Variants in LUC7L3 observed in about 807,000 individuals in gnomAD.
LUC7L3 encodes the protein LUC7 like 3 pre-mRNA splicing factor, also known as luc7-like protein 3.
In LUC7L3, 6 loss-of-function variants were observed where a neutral mutation model predicts 66.8. The observed-to-expected ratio is 0.09, with a 90% CI of 0.05 to 0.18. The LOEUF (loss-of-function observed/expected upper bound fraction) is 0.18, where lower values mean the gene tolerates loss of function less well. LUC7L3 is among the 10% of genes least tolerant of loss of function. The pLI is 1.00. For synonymous variants in LUC7L3, 160 were observed against 174.7 expected, an observed-to-expected ratio of 0.92 and a Z score of 0.66; for missense variants, 341 against 531.1, an observed-to-expected ratio of 0.64 and a Z score of 3.52.
At chr17:50,727,783 T>C (rs1269003012) in intron 1 of LUC7L3, among the ~76,000 whole-genome samples, 1 of 152,016 alleles carries the variant, frequency 6.6e-6, no homozygotes, top group African/African-American at 2.4e-5. Context: ...TGGGGTAGTG[T>C]AGATAGGTAG....
intron 2 of LUC7L3, among the ~76,000 whole-genome samples, chr17:50,739,029 G>C (rs1172046340): frequency 1.3e-5 from 2 of 152,050 alleles, no homozygotes; most frequent in African/African-American, 4.8e-5. Flanking sequence ...TCTGCCGGAG[G>C]GGGAAAAAGA....
In LUC7L3 at chr17:50,751,259, T is replaced by G; in HGVS notation, c.*598T>G. 7.4e-7 allele frequency: 1 copy of G among 1,356,902 alleles called. No homozygotes were observed. The highest frequency in any genetic ancestry group is 9.7e-7 in the Non-Finnish European group (1 of 1,033,414). 84.1% of individuals were successfully genotyped at this position (1,356,902 alleles called of 1,614,324 possible). A position where few individuals can be genotyped will look rare whatever the true frequency, so the allele number is the denominator to read the frequency against. ...CATTGGATTGATGGAAGTGTAGGGT[T>G]TATGAATTATTGCAGCTGACTACCA... On this transcript the variant is annotated 3_prime_UTR_variant, in exon 10 of 10. Coordinates refer to ENST00000505658, the MANE Select transcript of LUC7L3 (RefSeq NM_016424.5).
At chr17:50,721,851 T>G (rs1255317244) in intron 1 of LUC7L3, among the ~76,000 whole-genome samples, 4 of 152,178 alleles carry the variant, frequency 2.6e-5, no homozygotes, top group Non-Finnish European at 5.9e-5. Flanking sequence ...CTGGAAATTT[T>G]TCTTGGCCAT....
intron 2 of LUC7L3, among the ~76,000 whole-genome samples, chr17:50,737,830 C>G (rs934229387): frequency 6.6e-6 from 1 of 152,128 alleles, no homozygotes; most frequent in East Asian, 1.9e-4. Flanking sequence ...ACTAGAGAGA[C>G]TAGTTTATCT....
chr17:50,739,959 C>T (rs1317618696), intron 2 of LUC7L3, among the ~76,000 whole-genome samples: 2 of 152,136 alleles, frequency 1.3e-5, no homozygotes, highest in African/African-American at 4.8e-5. Flanking sequence ...ATAATAAAGT[C>T]GGCAATGGTT....
At position 50,744,643 on chromosome 17, in the gene LUC7L3, T is replaced by C; in HGVS notation, c.532-9T>C. The C allele has an allele frequency of 6.2e-7, 1 of 1,603,518 alleles. No homozygotes were observed. Among genetic ancestry groups the C allele is most frequent in the Non-Finnish European group, 8.5e-7 (1 of 1,176,866 alleles). On this transcript the variant is annotated splice_polypyrimidine_tract_variant and intron_variant, in intron 6 of 9. Transcript: ENST00000505658. ...AGATGTTCTTAAAATAACTGATTTA[T>C]CATTTTAGACAATTGAAAGCTTTGC... is the stretch of plus-strand genomic sequence containing the variant.
At chr17:50,738,115 A>T in intron 2 of LUC7L3, 2 of 455,714 alleles carry the variant, frequency 4.4e-6, no homozygotes, top group African/African-American at 2.0e-5. Context: ...CTAGAAGGAT[A>T]CAGCCAGATG....
chr17:50,734,414 G>A (rs1196594503), intron 1 of LUC7L3, among the ~76,000 whole-genome samples: 2 of 152,076 alleles, frequency 1.3e-5, no homozygotes, highest in Non-Finnish European at 2.9e-5. Context: ...TGATCCTCCC[G>A]CCTTGGCCTC....
chr17:50,733,595 G>T (rs903185988), intron 1 of LUC7L3, among the ~76,000 whole-genome samples: 1 of 152,020 alleles, frequency 6.6e-6, no homozygotes, highest in African/African-American at 2.4e-5. Context: ...TAGAGACGGG[G>T]TTTCACCGTG....
In LUC7L3 at chr17:50,744,635, C is replaced by T; in HGVS notation, c.532-17C>T. On this transcript the variant is annotated splice_polypyrimidine_tract_variant and intron_variant, in intron 6 of 9. Transcript: ENST00000505658. ...TCTTCCTCAGATGTTCTTAAAATAA[C>T]TGATTTATCATTTTAGACAATTGAA... 2 of 1,598,960 alleles carry T rather than the reference C, an allele frequency of 1.3e-6. No homozygotes were observed. Among genetic ancestry groups the T allele is most frequent in the Non-Finnish European group, 1.7e-6 (2 of 1,174,164 alleles).
At chr17:50,736,892 T>A in intron 1 of LUC7L3, 68 bp from the exon 2 acceptor site, 1 of 894,810 alleles carries the variant, frequency 1.1e-6, no homozygotes, top group Non-Finnish European at 1.8e-6. Context: ...AATAGTTATT[T>A]GGCACCTTTC....
chr17:50,739,025 G>A (rs1407623830), intron 2 of LUC7L3, among the ~76,000 whole-genome samples: 1 of 152,158 alleles, frequency 6.6e-6, no homozygotes, highest in Admixed American at 6.5e-5. Context: ...TGTGTCTGCC[G>A]GAGGGGGAAA....
At chr17:50,733,805 CTT>C (rs1157956157) in intron 1 of LUC7L3, among the ~76,000 whole-genome samples, 2 of 152,104 alleles carry the variant, frequency 1.3e-5, no homozygotes, top group Non-Finnish European at 2.9e-5. Flanking sequence ...CTGGCAATAA[CTT>C]TTACTAAATA....
chr17:50,722,133 T>A (rs1968811168), intron 1 of LUC7L3: 1 of 151,582 alleles, frequency 6.6e-6, no homozygotes, highest in Non-Finnish European at 1.5e-5. Context: ...AGTCAGATTC[T>A]GTCTGTCTTG....
In LUC7L3 at chr17:50,745,378, A is replaced by G. The variant is rs530368729; in HGVS notation, c.694-342A>G. 3.9e-5 allele frequency among the ~76,000 whole-genome samples: 6 copies of G among 152,310 alleles called. No individual in the cohort carries two copies. The South Asian group carries it at 6.2e-4, about 16-fold the overall frequency. On this transcript the variant is annotated intron_variant, in intron 7 of 9. Transcript: ENST00000505658. ...TCAGTAGCTATAGATAAAAATAACT[A>G]TATTCTAATATGGCTTAAATGGAGA...
chr17:50,739,515 ATGG>A lies in LUC7L3; in HGVS notation c.167-784_167-782del, dbSNP rs1364129500. Among the ~76,000 whole-genome samples the A allele has an allele frequency of 7.3e-5, 11 of 151,110 alleles. No individual in the cohort carries two copies. The Admixed American group carries it at 7.7e-4, about 11-fold the overall frequency. ...AAAAATACAAAAAAATTACGCAGGCATGGTGGTGGGTGCCTGTAATCCTAGCTC... is the reference window on the plus strand; with the variant it reads ...AAAAATACAAAAAAATTACGCAGGCATGGTGGGTGCCTGTAATCCTAGCTC... On this transcript the variant is annotated intron_variant, in intron 2 of 9. Coordinates refer to ENST00000505658, the MANE Select transcript of LUC7L3 (RefSeq NM_016424.5).
In LUC7L3 at chr17:50,752,222, G is replaced by A. The variant is rs775577006; in HGVS notation, c.*1561G>A. 1 of 1,285,728 alleles carries A rather than the reference G, an allele frequency of 7.8e-7. No homozygotes were observed. 79.6% of individuals were successfully genotyped at this position (1,285,728 alleles called of 1,614,324 possible). A position where few individuals can be genotyped will look rare whatever the true frequency, so the allele number is the denominator to read the frequency against. ...TAGGACTACTGTTCGAAGATTTTTG[G>A]AAGAATACTGAGAACGGCATAAAGT... On this transcript the variant is annotated 3_prime_UTR_variant, in exon 10 of 10. Coordinates refer to ENST00000505658, the MANE Select transcript of LUC7L3 (RefSeq NM_016424.5).
rs535383671 is a variant in LUC7L3, at chr17:50,745,322, C to CT, written c.694-397dup. 1.2e-4 allele frequency among the ~76,000 whole-genome samples: 18 copies of CT among 152,270 alleles called. No homozygotes were observed. The South Asian group carries it at 3.7e-3, about 32-fold the overall frequency. On this transcript the variant is annotated intron_variant, in intron 7 of 9. Coordinates refer to ENST00000505658, the MANE Select transcript of LUC7L3 (RefSeq NM_016424.5). The stretch of plus-strand genomic sequence containing the variant: ...GATACATTTTAGCTATTAAAAAAAT[C>CT]TATTTTAGCTATAGCTACAGCTTTT...
In LUC7L3 at chr17:50,719,617, T is replaced by C. The variant is rs1237566574; in HGVS notation, c.-116T>C. ...GCGGCCATTTTGTCTTGTCGGCTCC[T>C]GTGTGTAGGAGGGATTTCGGCCTGA... On this transcript the variant is annotated 5_prime_UTR_variant, in exon 1 of 10. Transcript: ENST00000505658. The C allele has an allele frequency of 6.4e-6, 5 of 782,618 alleles. No homozygotes were observed. The highest frequency in any genetic ancestry group is 1.0e-5 in the Non-Finnish European group (5 of 488,206). 48.5% of individuals were successfully genotyped at this position (782,618 alleles called of 1,614,324 possible).
Sources: allele counts gnomAD v4.1 joint callset (sites outside exome capture counted in the v4.1 genomes callset), GRCh38; gene constraint gnomAD v4.1.1; transcripts MANE v1.5; gene names NCBI Gene and HGNC (gene_info 2026-07-23, HGNC 2026-07-21).